The following C1orf21 variants were observed in gnomAD, a reference collection of about 807,000 sequenced individuals.
C1orf21 encodes the protein chromosome 1 open reading frame 21.
A neutral mutation model predicts 18.7 loss-of-function variants in C1orf21; 3 were observed. The ratio of observed to expected loss-of-function variants is 0.16; its 90% confidence interval spans 0.07 to 0.42. The LOEUF (loss-of-function observed/expected upper bound fraction) is 0.42, where lower values mean the gene tolerates loss of function less well. C1orf21 is among the 10% of genes least tolerant of loss of function. The pLI, the probability that C1orf21 is intolerant of heterozygous loss-of-function variation, is 0.99. For missense variants in C1orf21, 104 were observed against 143.6 expected (o/e 0.72, Z 1.41); for synonymous variants, 41 against 46.4 (o/e 0.88, Z 0.47).
chr1:184,506,374 T>C (rs1295356408), intron 2 of C1orf21, among the ~76,000 whole-genome samples: 2 of 152,172 alleles, frequency 1.3e-5, no homozygotes, highest in Non-Finnish European at 1.5e-5. Flanking sequence ...AGGGGTGATA[T>C]GATGAGGAAA....
At chr1:184,419,487 C>A (rs139868502) in intron 1 of C1orf21, among the ~76,000 whole-genome samples, 3 of 152,220 alleles carry the variant, frequency 2.0e-5, no homozygotes, top group Non-Finnish European at 2.9e-5. Flanking sequence ...TTATTGAACA[C>A]CTGCTACATA....
At chr1:184,423,829 T>C (rs1656585391) in intron 1 of C1orf21, among the ~76,000 whole-genome samples, 1 of 151,358 alleles carries the variant, frequency 6.6e-6, no homozygotes, top group Admixed American at 6.6e-5. Context: ...CATCTACCCA[T>C]CCATCCCTCC....
intron 1 of C1orf21, among the ~76,000 whole-genome samples, chr1:184,467,287 A>G (rs1009071565): frequency 6.6e-5 from 10 of 152,214 alleles, no homozygotes; most frequent in Non-Finnish European, 1.0e-4. Flanking sequence ...AATGATGAGG[A>G]GATGGTCATG....
At position 184,628,923 on chromosome 1, in the gene C1orf21, G is replaced by A. The variant is rs1194155501; in HGVS notation, c.*9367G>A. ...CATTTTGAAAAGGGTCTGAGAAAGT[G>A]TACAGGTCTAATTATATATACATAT... is the stretch of plus-strand genomic sequence containing the variant. On this transcript the variant is annotated 3_prime_UTR_variant, in exon 6 of 6. Transcript: ENST00000235307. 1 of 152,516 alleles carries A rather than the reference G, an allele frequency of 6.6e-6. No individual in the cohort carries two copies. Among genetic ancestry groups the A allele is most frequent in the East Asian group, 1.9e-4 (1 of 5,196 alleles). The allele number at this position is 152,516 out of a possible 1,614,324, so 9.4% of individuals were successfully genotyped here.
At chr1:184,580,266 C>T (rs1434131602) in intron 3 of C1orf21, among the ~76,000 whole-genome samples, 1 of 152,196 alleles carries the variant, frequency 6.6e-6, no homozygotes, top group East Asian at 1.9e-4. Context: ...GTTTCATCTC[C>T]TGTTACAATC....
At position 184,436,150 on chromosome 1, in the gene C1orf21, G is replaced by A. The variant is rs1404586927; in HGVS notation, c.-124-41236G>A. Among the ~76,000 whole-genome samples, 4 of 152,128 alleles carry A rather than the reference G, an allele frequency of 2.6e-5. No homozygotes were observed. The East Asian group carries it at 7.7e-4, about 29-fold the overall frequency. On this transcript the variant is annotated intron_variant, in intron 1 of 5. Transcript: ENST00000235307. ...GAAAATTGCAGAAGAGAAGTCCTTG[G>A]TAGATGAGAAGGAGTGGGGAGCTTG...
chr1:184,539,330 C>T (rs906218205), intron 3 of C1orf21, among the ~76,000 whole-genome samples: 1 of 152,094 alleles, frequency 6.6e-6, no homozygotes, highest in African/African-American at 2.4e-5. Flanking sequence ...TCTTGGCATT[C>T]TAGGAATAAA....
rs1659883020 is a variant in C1orf21, at chr1:184,619,513, C to T, written c.328-5C>T. 1 of 1,611,696 alleles carries T rather than the reference C, an allele frequency of 6.2e-7. No individual in the cohort carries two copies. The highest frequency in any genetic ancestry group is 8.5e-7 in the Non-Finnish European group (1 of 1,179,362). ...CACATGCTCTTTTTTCTTTTTCCCT[C>T]CAAGGGTCGGGATTACTGTTCGGAA... On this transcript the variant is annotated splice_polypyrimidine_tract_variant and splice_region_variant and intron_variant, in intron 5 of 5. Transcript: ENST00000235307.
intron 3 of C1orf21, among the ~76,000 whole-genome samples, chr1:184,521,655 A>G (rs56021316): frequency 0.052 from 7,990 of 152,272 alleles, 296 homozygotes; most frequent in Non-Finnish European, 0.083. Context: ...TGGTGAAACT[A>G]TTCTGTATGG....
At chr1:184,512,083 T>C (rs930884365) in intron 3 of C1orf21, among the ~76,000 whole-genome samples, 4 of 152,226 alleles carry the variant, frequency 2.6e-5, no homozygotes, top group African/African-American at 9.6e-5. Flanking sequence ...CTCCAAGGTC[T>C]ACTTCAAGGC....
At chr1:184,480,836 C>T (rs541744979) in intron 2 of C1orf21, among the ~76,000 whole-genome samples, 2 of 152,238 alleles carry the variant, frequency 1.3e-5, no homozygotes, top group East Asian at 1.9e-4. Context: ...CTGCGTGACT[C>T]GCTTTCGTGC....
At chr1:184,441,214 T>C (rs115170842) in intron 1 of C1orf21, among the ~76,000 whole-genome samples, 381 of 152,348 alleles carry the variant, frequency 2.5e-3, no homozygotes, top group African/African-American at 8.7e-3. Context: ...CAAGTTACCT[T>C]GTTTCTCCCG....
chr1:184,566,539 C>T, intron 3 of C1orf21: 1 of 350,822 alleles, frequency 2.9e-6, no homozygotes, highest in Admixed American at 3.2e-5. Context: ...AGAGTCCTAA[C>T]ACACAGCCTC....
chr1:184,617,381 C>T (rs868441770), intron 5 of C1orf21, among the ~76,000 whole-genome samples: 1 of 152,192 alleles, frequency 6.6e-6, no homozygotes, highest in Non-Finnish European at 1.5e-5. Flanking sequence ...CTCAGAGCCT[C>T]GTGAGTTGGG....
At chr1:184,579,511 T>C (rs12118329) in intron 3 of C1orf21, among the ~76,000 whole-genome samples, 158 of 116,310 alleles carry the variant, frequency 1.4e-3, no homozygotes, top group Middle Eastern at 4.5e-3. Flanking sequence ...TTTTTTTTTT[T>C]CCTTTTTTTT....
intron 1 of C1orf21, among the ~76,000 whole-genome samples, chr1:184,439,304 G>T (rs1395476004): frequency 6.6e-6 from 1 of 151,748 alleles, no homozygotes; most frequent in Non-Finnish European, 1.5e-5. Flanking sequence ...CTCAGGTTTG[G>T]GTCCTGGCTC....
intron 1 of C1orf21, among the ~76,000 whole-genome samples, chr1:184,434,713 G>A (rs1325141471): frequency 6.6e-6 from 1 of 152,172 alleles, no homozygotes; most frequent in Non-Finnish European, 1.5e-5. Context: ...CCAAAGAAGA[G>A]TTGAGATGAG....
At chr1:184,572,639 A>G (rs575826045) in intron 3 of C1orf21, among the ~76,000 whole-genome samples, 10 of 152,198 alleles carry the variant, frequency 6.6e-5, no homozygotes, top group South Asian at 2.1e-4. Context: ...GCCAGGATCC[A>G]TGCAAGATTT....
At chr1:184,551,943 T>TAAA (rs5779224) in intron 3 of C1orf21, among the ~76,000 whole-genome samples, 5,308 of 139,740 alleles carry the variant, frequency 0.038, 222 homozygotes, top group African/African-American at 0.1. Flanking sequence ...GACCCTGTCT[T>TAAA]AAAAAAAAAA....
Sources: allele counts gnomAD v4.1 joint callset (sites outside exome capture counted in the v4.1 genomes callset), GRCh38; gene constraint gnomAD v4.1.1; transcripts MANE v1.5; gene names NCBI Gene and HGNC (gene_info 2026-07-23, HGNC 2026-07-21).